RAB38: variants seen among roughly 807,000 people sequenced by gnomAD.
RAB38 encodes the protein RAB38, member RAS oncogene family.
In RAB38, 15 loss-of-function variants were observed where a neutral mutation model predicts 18.4. That is an observed-to-expected ratio of 0.82 (90% confidence interval 0.55 to 1.26). The LOEUF is 1.26. Among genes scored for constraint, RAB38 ranks in the 50% most tolerant of loss-of-function variants. RAB38 has a pLI of 0.00. For missense variants in RAB38, 294 were observed against 267.4 expected (o/e 1.10, Z -0.69); for synonymous variants, 101 against 104.4 (o/e 0.97, Z 0.20).
At chr11:88,016,127 A>T in the RAB38 span, among the ~76,000 whole-genome samples, 1 of 152,184 alleles carries the variant, frequency 6.6e-6, no homozygotes, top group Admixed American at 6.6e-5. Context: ...TAGCTAACAG[A>T]ATTCTGGCAA....
the RAB38 span, among the ~76,000 whole-genome samples, chr11:87,895,346 T>C: frequency 2.0e-5 from 3 of 151,736 alleles, no homozygotes; most frequent in African/African-American, 4.8e-5. Flanking sequence ...ACAAGAGTTG[T>C]AGGAATAGAG....
At chr11:87,868,558 C>T in the RAB38 span, among the ~76,000 whole-genome samples, 2 of 109,022 alleles carry the variant, frequency 1.8e-5, no homozygotes, top group East Asian at 5.6e-4. Flanking sequence ...CAGATCAGGG[C>T]TAAAATGATA....
At chr11:87,974,877 T>G in the RAB38 span, among the ~76,000 whole-genome samples, 2 of 151,822 alleles carry the variant, frequency 1.3e-5, no homozygotes, top group African/African-American at 2.4e-5. Flanking sequence ...GAGCAACGAA[T>G]TCATTTCCTA....
the RAB38 span, among the ~76,000 whole-genome samples, chr11:88,037,850 G>C: frequency 6.6e-6 from 1 of 151,926 alleles, no homozygotes; most frequent in Non-Finnish European, 1.5e-5. Flanking sequence ...TCTTCTTTGG[G>C]AAGTATCTGT....
At chr11:88,150,075 T>C in intron 1 of RAB38, 120 bp from the exon 2 acceptor site, 1 of 1,088,480 alleles carries the variant, frequency 9.2e-7, no homozygotes, top group Non-Finnish European at 1.3e-6. Flanking sequence ...TCTTTACTGA[T>C]AATCTTTAAA....
At chr11:87,804,990 T>G in the RAB38 span, among the ~76,000 whole-genome samples, 1,927 of 152,312 alleles carry the variant, frequency 0.013, 39 homozygotes, top group African/African-American at 0.042. Context: ...TGAAAACCTC[T>G]GCTTTCAAGG....
the RAB38 span, among the ~76,000 whole-genome samples, chr11:87,869,607 C>A: frequency 6.6e-6 from 1 of 151,620 alleles, no homozygotes; most frequent in Non-Finnish European, 1.5e-5. Context: ...GGTCTGTAGT[C>A]CTCGTTTTTA....
chr11:88,136,067 A>C (rs796268536), intron 2 of RAB38, among the ~76,000 whole-genome samples: 10 of 152,296 alleles, frequency 6.6e-5, no homozygotes, highest in African/African-American at 1.9e-4. Flanking sequence ...ACAAATCTTG[A>C]GCATTCTGTC....
At chr11:88,156,460 T>C (rs1943126421) in intron 1 of RAB38, among the ~76,000 whole-genome samples, 1 of 152,148 alleles carries the variant, frequency 6.6e-6, no homozygotes, top group African/African-American at 2.4e-5. Flanking sequence ...CCCCAGCACT[T>C]TGGGAGGCCG....
the RAB38 span, among the ~76,000 whole-genome samples, chr11:87,831,746 A>G: frequency 1.3e-5 from 2 of 152,222 alleles, 1 homozygote; most frequent in South Asian, 4.1e-4. Flanking sequence ...GACAATAACA[A>G]TAAATAATAA....
At chr11:87,826,405 C>T in the RAB38 span, among the ~76,000 whole-genome samples, 6 of 152,070 alleles carry the variant, frequency 3.9e-5, no homozygotes, top group African/African-American at 7.2e-5. Context: ...ACACATGCTG[C>T]ACTTGCTATT....
chr11:87,963,497 G>A, the RAB38 span, among the ~76,000 whole-genome samples: 1 of 151,484 alleles, frequency 6.6e-6, no homozygotes, highest in African/African-American at 2.4e-5. Flanking sequence ...CCTAGGAGTG[G>A]GACAGAACAC....
the RAB38 span, among the ~76,000 whole-genome samples, chr11:87,825,565 G>C: frequency 6.6e-6 from 1 of 151,970 alleles, no homozygotes; most frequent in Non-Finnish European, 1.5e-5. Context: ...CACCCTTATG[G>C]CCTCATTTTA....
intron 1 of RAB38, among the ~76,000 whole-genome samples, chr11:88,169,317 C>A (rs1273346048): frequency 2.0e-5 from 3 of 152,158 alleles, no homozygotes; most frequent in South Asian, 2.1e-4. Flanking sequence ...TAAGTGGGGG[C>A]AAATATGCAT....
chr11:88,141,046 G>T (rs1348361533), intron 2 of RAB38, among the ~76,000 whole-genome samples: 2 of 152,104 alleles, frequency 1.3e-5, no homozygotes. Context: ...AAAGATCCAG[G>T]CTCAAAGACA....
chr11:87,956,983 T>TTG, the RAB38 span, among the ~76,000 whole-genome samples: 391 of 149,186 alleles, frequency 2.6e-3, 5 homozygotes, highest in East Asian at 0.042. Flanking sequence ...TGCAGTTTTT[T>TTG]GGGGGGGGGT....
chr11:87,846,343 C>T, the RAB38 span, among the ~76,000 whole-genome samples: 5 of 151,860 alleles, frequency 3.3e-5, no homozygotes, highest in Non-Finnish European at 5.9e-5. Flanking sequence ...TATGCTGCTA[C>T]AAGAGCTAAA....
chr11:88,072,310 A>G, the RAB38 span, among the ~76,000 whole-genome samples: 1 of 152,234 alleles, frequency 6.6e-6, no homozygotes, highest in South Asian at 2.1e-4. Flanking sequence ...AGCCGAGGAA[A>G]CAATCAGCAC....
the RAB38 span, among the ~76,000 whole-genome samples, chr11:87,961,197 A>T: frequency 6.6e-6 from 1 of 152,108 alleles, no homozygotes; most frequent in Admixed American, 6.6e-5. Context: ...GCAGTTGTGG[A>T]GAACACTTTG....
Sources: gnomAD v4.1 joint callset for allele counts (sites outside exome capture counted in the v4.1 genomes callset) on GRCh38, gnomAD v4.1.1 for gene constraint, MANE v1.5 for transcripts, NCBI Gene and HGNC (gene_info 2026-07-23, HGNC 2026-07-21) for gene names.